IQSEC3: variants seen among roughly 807,000 people sequenced by gnomAD.
IQSEC3 encodes IQ motif and Sec7 domain ArfGEF 3, also known as IQ motif and SEC7 domain-containing protein 3.
In IQSEC3, 50 loss-of-function variants were observed where a neutral mutation model predicts 105.4. That is an observed-to-expected ratio of 0.47 (90% confidence interval 0.38 to 0.60). IQSEC3 has a LOEUF of 0.60. IQSEC3 is among the 20% of genes least tolerant of loss of function. The probability of loss-of-function intolerance (pLI) is 0.00; values close to 1 mark genes in which losing one functional copy is unlikely to be tolerated. For missense variants in IQSEC3, 1,415 were observed against 1,630.0 expected (o/e 0.87, Z 2.27); for synonymous variants, 708 against 746.0 (o/e 0.95, Z 0.83).
chr12:158,167 C>T (rs903377416), intron 7 of IQSEC3, among the ~76,000 whole-genome samples: 13 of 151,772 alleles, frequency 8.6e-5, no homozygotes, highest in African/African-American at 2.9e-4. Flanking sequence ...GTGATGTGTG[C>T]GCAATTGTTT....
Position 125,662 on chromosome 12 carries a change from G to T in IQSEC3, c.653G>T (p.Gly218Val). ...SDGSCTQAGG[G>V]MEDSVVAAAA... ...GGCTCCTGCACCCAGGCCGGTGGGG[G>T]CATGGAGGACTCCGTGGTGGCAGCG... Residue 218 changes from glycine to valine, a missense_variant, in exon 3 of 14, where the codon GGC becomes GTC. Physicochemically the swap from Gly to Val is moderately radical, Grantham distance 109 (BLOSUM62 -3). Transcript: ENST00000538872. The T allele has an allele frequency of 2.0e-6, 3 of 1,534,588 alleles. No homozygotes were observed. Among genetic ancestry groups the T allele is most frequent in the Non-Finnish European group, 2.6e-6 (3 of 1,152,544 alleles).
At chr12:69,124 C>T (rs1167342535) in intron 1 of IQSEC3, among the ~76,000 whole-genome samples, 3 of 152,216 alleles carry the variant, frequency 2.0e-5, no homozygotes, top group Non-Finnish European at 2.9e-5. Context: ...AGTCCCCTTC[C>T]CTGAGGGCAG....
chr12:145,111 G>A (rs1313524244), intron 5 of IQSEC3, among the ~76,000 whole-genome samples: 5 of 152,228 alleles, frequency 3.3e-5, no homozygotes, highest in African/African-American at 1.2e-4. Context: ...GGAATTACAG[G>A]CATGAATCAC....
chr12:114,102 T>C (rs1864978709), intron 2 of IQSEC3, among the ~76,000 whole-genome samples: 1 of 152,198 alleles, frequency 6.6e-6, no homozygotes, highest in Non-Finnish European at 1.5e-5. Context: ...CAGGATTAAA[T>C]GTGATAATGC....
chr12:139,309 C>T lies in IQSEC3; in HGVS notation c.1946C>T (p.Thr649Ile). The part of the protein sequence containing the change: ...SCKSPTLSTD[T>I]LRKRLYRIGL... Reference sequence around the variant, plus strand: ...AAGTCGCCCACGCTCTCCACCGACACCCTGCGCAAGCGGCTCTACCGCATC... The same window carrying T: ...AAGTCGCCCACGCTCTCCACCGACATCCTGCGCAAGCGGCTCTACCGCATC... Residue 649 changes from threonine (T) to isoleucine (I), a missense_variant, in exon 4 of 14, where the codon ACC becomes ATC. By Grantham distance (89) the Thr-to-Ile change is moderately conservative (BLOSUM62 -1). Coordinates refer to ENST00000538872, the MANE Select transcript of IQSEC3 (RefSeq NM_001170738.2). The T allele has an allele frequency of 6.3e-7, 1 of 1,599,804 alleles. No individual in the cohort carries two copies. The highest frequency in any genetic ancestry group is 8.5e-7 in the Non-Finnish European group (1 of 1,174,016).
Position 139,369 on chromosome 12 carries a change from GCCCCCAGCC to G in IQSEC3, c.1991+17_1991+25del, listed in dbSNP as rs1565427975. 6.6e-7 allele frequency: 1 copy of G among 1,523,436 alleles called. No individual in the cohort carries two copies. Among genetic ancestry groups the G allele is most frequent in the South Asian group, 1.2e-5 (1 of 82,014 alleles). 94.4% of individuals were successfully genotyped at this position (1,523,436 alleles called of 1,614,324 possible). On this transcript the variant is annotated intron_variant, in intron 4 of 13. Transcript: ENST00000538872. ...CTCTTCAACATGTAAGTCAGCCCCGGCCCCCAGCCCGGAGTCCTGGGCGTCCTGGGAGGG... is the reference window on the plus strand; with the variant it reads ...CTCTTCAACATGTAAGTCAGCCCCGGCGGAGTCCTGGGCGTCCTGGGAGGG...
chr12:161,165 T>C (rs1555096078), intron 7 of IQSEC3, among the ~76,000 whole-genome samples: 1 of 152,188 alleles, frequency 6.6e-6, no homozygotes, highest in Non-Finnish European at 1.5e-5. Flanking sequence ...TGAGAGATGC[T>C]TGCCAAAGTT....
intron 7 of IQSEC3, among the ~76,000 whole-genome samples, chr12:160,249 G>A (rs1866840460): frequency 6.6e-6 from 1 of 151,252 alleles, no homozygotes; most frequent in Non-Finnish European, 1.5e-5. Context: ...AAATCTGGTT[G>A]TTCATTCATA....
chr12:83,907 TTTG>T (rs1253573547), intron 1 of IQSEC3, among the ~76,000 whole-genome samples: 1 of 152,170 alleles, frequency 6.6e-6, no homozygotes, highest in Non-Finnish European at 1.5e-5. Flanking sequence ...TTGCTGTGCA[TTTG>T]TTATCTCATT....
At chr12:101,624 A>C (rs1864425182) in intron 2 of IQSEC3, among the ~76,000 whole-genome samples, 1 of 152,026 alleles carries the variant, frequency 6.6e-6, no homozygotes, top group Admixed American at 6.6e-5. Flanking sequence ...CCAGGGCTTC[A>C]GCTGCTGTCT....
intron 2 of IQSEC3, among the ~76,000 whole-genome samples, chr12:117,937 A>T (rs542210350): frequency 2.6e-5 from 4 of 152,254 alleles, no homozygotes; most frequent in South Asian, 2.1e-4. Flanking sequence ...AGTTCATCTG[A>T]TGGCTTCAGG....
At position 152,360 on chromosome 12, in the gene IQSEC3, A is replaced by G. The variant is rs1866539291; in HGVS notation, c.2154-4665A>G. On this transcript the variant is annotated intron_variant, in intron 5 of 13. Coordinates refer to ENST00000538872, the MANE Select transcript of IQSEC3 (RefSeq NM_001170738.2). This position sits in a 1 kb window ranked among gnomAD's most constrained non-coding sequence, Gnocchi z 4.8. The stretch of plus-strand genomic sequence containing the variant: ...CCTTGGCCTCTCACAGGTCCCCACC[A>G]AGCCATCTGGGTAAGATCACAGCCC... 6.6e-6 allele frequency among the ~76,000 whole-genome samples: 1 copy of G among 152,158 alleles called. No homozygotes were observed. The highest frequency in any genetic ancestry group is 1.5e-5 in the Non-Finnish European group (1 of 68,024).
chr12:100,376 T>TA (rs1864383975), intron 2 of IQSEC3, among the ~76,000 whole-genome samples: 1 of 152,216 alleles, frequency 6.6e-6, no homozygotes. Flanking sequence ...TTTTCAGGTT[T>TA]AAGATCCAAT....
intron 8 of IQSEC3, among the ~76,000 whole-genome samples, chr12:162,707 A>C (rs1866950723): frequency 6.6e-6 from 1 of 152,088 alleles, no homozygotes; most frequent in Non-Finnish European, 1.5e-5. Flanking sequence ...TTCTGCTTTG[A>C]GAGCCTTTAT....
In IQSEC3 at chr12:163,595, G is replaced by A. The variant is rs1555097184; in HGVS notation, c.2685G>A (p.Val895=). The A allele has an allele frequency of 6.4e-7, 1 of 1,557,878 alleles. No individual in the cohort carries two copies. Among genetic ancestry groups the A allele is most frequent in the Admixed American group, 1.7e-5 (1 of 59,946 alleles). Residue 895 remains valine (V), a synonymous_variant, in exon 9 of 14, where the codon GTG becomes GTA. Coordinates refer to ENST00000538872, the MANE Select transcript of IQSEC3 (RefSeq NM_001170738.2). ...AGCAGGCAGCGCATCAGAGGGAGGT[G>A]TTCCTCTTCAATGACCTGCTGGTGG... ...LQKQAAHQRE[V]FLFNDLLVIL... is the part of the protein sequence containing the mutation.
In IQSEC3 at chr12:168,993, C is replaced by A; in HGVS notation, c.2972-20C>A. The stretch of plus-strand genomic sequence containing the variant: ...TTGAGGTTAAGGTTTCTCTTGCTCA[C>A]GGGCCTCTGCATTCCTTAGGGGAGC... On this transcript the variant is annotated intron_variant, in intron 11 of 13. Coordinates refer to ENST00000538872, the MANE Select transcript of IQSEC3 (RefSeq NM_001170738.2). 1.2e-6 allele frequency: 2 copies of A among 1,607,432 alleles called. No homozygotes were observed. Among genetic ancestry groups the A allele is most frequent in the Non-Finnish European group, 1.7e-6 (2 of 1,174,020 alleles).
chr12:96,370 G>A (rs1320051971), intron 1 of IQSEC3, among the ~76,000 whole-genome samples: 1 of 152,146 alleles, frequency 6.6e-6, no homozygotes, highest in Non-Finnish European at 1.5e-5. Flanking sequence ...TAGATTATAA[G>A]TTTTTCTTAT....
chr12:81,293 T>C (rs1349061752), intron 1 of IQSEC3, among the ~76,000 whole-genome samples: 10 of 152,214 alleles, frequency 6.6e-5, no homozygotes, highest in African/African-American at 2.4e-4. Flanking sequence ...GTTTGGCTTT[T>C]ACCTTCAGAA....
At chr12:113,130 A>C (rs1239855720) in intron 2 of IQSEC3, among the ~76,000 whole-genome samples, 9 of 152,114 alleles carry the variant, frequency 5.9e-5, no homozygotes, top group Admixed American at 1.3e-4. Context: ...GGCAGCTCTT[A>C]GCGTTTATCC....
Sources: allele counts gnomAD v4.1 joint callset (sites outside exome capture counted in the v4.1 genomes callset), GRCh38; gene constraint gnomAD v4.1.1; non-coding constraint Gnocchi (gnomAD v3.1); transcripts MANE v1.5; gene names NCBI Gene and HGNC (gene_info 2026-07-23, HGNC 2026-07-21).